RBM45: variants seen among roughly 807,000 people sequenced by gnomAD.
RBM45 encodes RNA binding motif protein 45, also known as RNA-binding protein 45.
RBM45 carries 39 observed loss-of-function variants against 58.5 expected under a neutral mutation model. The ratio of observed to expected loss-of-function variants is 0.67; its 90% CI spans 0.52 to 0.87. The LOEUF (loss-of-function observed/expected upper bound fraction) is 0.87, where lower values mean the gene tolerates loss of function less well. RBM45 is among the 40% of genes least tolerant of loss of function. The pLI is 0.00. For missense variants in RBM45, 481 were observed against 581.6 expected (o/e 0.83, Z 1.78); for synonymous variants, 193 against 203.0 (o/e 0.95, Z 0.42).
intron 3 of RBM45, among the ~76,000 whole-genome samples, chr2:178,135,300 CA>C (rs1174435247): frequency 1.3e-5 from 2 of 151,874 alleles, no homozygotes; most frequent in African/African-American, 4.8e-5. Flanking sequence ...CCAACAGTGG[CA>C]AAAAAAGAGT....
rs1193889767 is a variant in RBM45, at chr2:178,112,618, C to G, written c.72C>G (p.Pro24=). Reference sequence around the variant, plus strand: ...GCGTGGACAGCCTGGACGAACCGCCCAACAGCCGCATCTTCCTTGTGATCA... The same window carrying G: ...GCGTGGACAGCCTGGACGAACCGCCGAACAGCCGCATCTTCCTTGTGATCA... The part of the protein sequence containing the change: ...RPGVDSLDEP[P]NSRIFLVISK... Residue 24 remains proline, a synonymous_variant, in exon 1 of 10, where the codon CCC becomes CCG. Coordinates refer to ENST00000286070, the MANE Select transcript of RBM45 (RefSeq NM_152945.4). 6.2e-7 allele frequency: 1 copy of G among 1,614,108 alleles called. No homozygotes were observed. The highest frequency in any genetic ancestry group is 8.5e-7 in the Non-Finnish European group (1 of 1,180,038).
chr2:178,115,036 A>G (rs1255407811), intron 1 of RBM45, among the ~76,000 whole-genome samples: 1 of 152,230 alleles, frequency 6.6e-6, no homozygotes, highest in African/African-American at 2.4e-5. Flanking sequence ...TAAGACAACA[A>G]TATTATCTTA....
exon 4 of RBM45, chr2:178,138,552 T>G (rs1464804027): frequency 2.6e-5 from 4 of 152,164 alleles, no homozygotes; most frequent in Admixed American, 2.0e-4. Flanking sequence ...ATTCCTCTAC[T>G]CATCCAAATT....
chr2:178,135,621 G>C (rs2153907777), intron 3 of RBM45, among the ~76,000 whole-genome samples: 1 of 152,290 alleles, frequency 6.6e-6, no homozygotes, highest in Non-Finnish European at 1.5e-5. Context: ...GGAATATCCA[G>C]CTTCTACTTA....
In RBM45 at chr2:178,126,041, C is replaced by A; in HGVS notation, c.1290C>A (p.Ala430=). The A allele has an allele frequency of 1.9e-6, 3 of 1,613,744 alleles. No individual in the cohort carries two copies. The highest frequency in any genetic ancestry group is 1.7e-6 in the Non-Finnish European group (2 of 1,179,824). Residue 430 remains alanine, a synonymous_variant, in exon 9 of 10, where the codon GCC becomes GCA. Coordinates refer to ENST00000286070, the MANE Select transcript of RBM45 (RefSeq NM_152945.4). ...TGTCAGGAAAAAATGTGGGGTATGC[C>A]AAGTATGCCGATAGAATAAGTGCTA... is the stretch of plus-strand genomic sequence containing the variant. ...YLVSGKNVGY[A]KYADRISAND...
downstream of RBM45, among the ~76,000 whole-genome samples, chr2:178,134,630 T>C (rs943815624): frequency 3.3e-5 from 5 of 152,192 alleles, no homozygotes; most frequent in African/African-American, 1.2e-4. Flanking sequence ...TTTAAAGTTA[T>C]ATACTAATTT....
At chr2:178,130,132 C>T (rs1408642896), downstream of RBM45, among the ~76,000 whole-genome samples, 1 of 151,992 alleles carries the variant, frequency 6.6e-6, no homozygotes, top group East Asian at 1.9e-4. Context: ...ACATTTTTAT[C>T]TTTATAGAAA....
At chr2:178,121,732 C>T (rs62176035) in intron 5 of RBM45, among the ~76,000 whole-genome samples, 38,050 of 151,904 alleles carry the variant, frequency 0.25, 6,013 homozygotes, top group East Asian at 0.58. Flanking sequence ...GACAAAGTTA[C>T]GAAACTCACA....
At chr2:178,121,013 CTCT>C (rs1574410933) in intron 4 of RBM45, 164 bp from the exon 5 acceptor site, 2 of 414,878 alleles carry the variant, frequency 4.8e-6, no homozygotes, top group African/African-American at 4.1e-5. Context: ...GGAGAGTTGT[CTCT>C]TCTTGTCATT....
chr2:178,125,383 G>T (rs189704942), intron 8 of RBM45, among the ~76,000 whole-genome samples: 116 of 152,296 alleles, frequency 7.6e-4, no homozygotes, highest in African/African-American at 2.5e-3. Flanking sequence ...AAGATACAAA[G>T]GAGGAGCAGT....
In RBM45 at chr2:178,112,552, C is replaced by A. The variant is rs2087716101; in HGVS notation, c.6C>A (p.Asp2Glu). Residue 2 changes from aspartate (D) to glutamate (E), a missense_variant, in exon 1 of 10, where the codon GAC becomes GAA. Asp to Glu is a conservative substitution (Grantham distance 45). Coordinates refer to ENST00000286070, the MANE Select transcript of RBM45 (RefSeq NM_152945.4). MDEAGSSASGGG... is the reference protein window; with the variant it reads MEEAGSSASGGG... ...CTGCATTCGGGTGGAGCACCATGGA[C>A]GAAGCTGGCAGCTCTGCGAGCGGCG... The A allele has an allele frequency of 6.2e-7, 1 of 1,612,616 alleles. No homozygotes were observed. Among genetic ancestry groups the A allele is most frequent in the South Asian group, 1.1e-5 (1 of 90,974 alleles).
At position 178,120,275 on chromosome 2, in the gene RBM45, G is replaced by A. The variant is rs1273521628; in HGVS notation, c.551-12G>A. 33 of 1,611,502 alleles carry A rather than the reference G, an allele frequency of 2.0e-5. No homozygotes were observed. Among genetic ancestry groups the A allele is most frequent in the Non-Finnish European group, 2.8e-5 (33 of 1,179,130 alleles). ...TTTGCTGTGAAACTTGAAATTCATG[G>A]GGTTTTTTCAGGTTTTAGAGCAATC... is the stretch of plus-strand genomic sequence containing the variant. On this transcript the variant is annotated splice_polypyrimidine_tract_variant and intron_variant, in intron 3 of 9. Transcript: ENST00000286070.
chr2:178,119,864 T>C (rs1034521081), intron 3 of RBM45, among the ~76,000 whole-genome samples: 33 of 152,216 alleles, frequency 2.2e-4, no homozygotes, highest in Admixed American at 5.9e-4. Context: ...TTGAAGAGAA[T>C]CTAAATTAAA....
At chr2:178,134,795 C>T (rs2088031992) in intron 3 of RBM45, among the ~76,000 whole-genome samples, 1 of 152,056 alleles carries the variant, frequency 6.6e-6, no homozygotes. Flanking sequence ...AGTTTGAGAC[C>T]AGCCTGGCCA....
At chr2:178,120,444 G>A in intron 4 of RBM45, 35 bp downstream of exon 4, 1 of 1,576,690 alleles carries the variant, frequency 6.3e-7, no homozygotes, top group Non-Finnish European at 8.6e-7. Context: ...ATAGTATAAT[G>A]TAGTATATGC....
At chr2:178,131,263 A>G (rs540358240), downstream of RBM45, among the ~76,000 whole-genome samples, 3 of 152,246 alleles carry the variant, frequency 2.0e-5, no homozygotes, top group Non-Finnish European at 4.4e-5. Flanking sequence ...GGGCTCTGCC[A>G]TGTAACTAAT....
At position 178,126,154 on chromosome 2, in the gene RBM45, A is replaced by G. The variant is rs1233216451; in HGVS notation, c.1403A>G (p.Asn468Ser). 6.2e-7 allele frequency: 1 copy of G among 1,613,960 alleles called. No individual in the cohort carries two copies. Among genetic ancestry groups the G allele is most frequent in the South Asian group, 1.1e-5 (1 of 91,052 alleles). The change falls in exon 9 of 10, where the codon AAC becomes AGC. Residue 468 changes from asparagine (N) to serine (S), a missense_variant. By Grantham distance (46) the Asn-to-Ser change is conservative. Coordinates refer to ENST00000286070, the MANE Select transcript of RBM45 (RefSeq NM_152945.4). Reference protein sequence around the residue: ...MLADSPREESNKRQRTY With the variant: ...MLADSPREESSKRQRTY ...GCAGATTCGCCAAGAGAAGAATCTA[A>G]CAAACGGCAAAGAACTTACTGATTC...
intron 2 of RBM45, among the ~76,000 whole-genome samples, chr2:178,116,985 A>G (rs2087785241): frequency 6.6e-6 from 1 of 152,190 alleles, no homozygotes; most frequent in Non-Finnish European, 1.5e-5. Context: ...TCTGACCTAT[A>G]TAAGTGAAAT....
At position 178,120,397 on chromosome 2, in the gene RBM45, A is replaced by G. The variant is rs2087833772; in HGVS notation, c.661A>G (p.Met221Val). 1 of 1,610,336 alleles carries G rather than the reference A, an allele frequency of 6.2e-7. No homozygotes were observed. Among genetic ancestry groups the G allele is most frequent in the South Asian group, 1.1e-5 (1 of 90,008 alleles). Residue 221 changes from methionine to valine, a missense_variant, in exon 4 of 10, where the codon ATG (methionine) becomes GTG (valine). By Grantham distance (21) the Met-to-Val change is conservative (BLOSUM62 1). Coordinates refer to ENST00000286070, the MANE Select transcript of RBM45 (RefSeq NM_152945.4). Reference sequence around the variant, plus strand: ...TTTGGGACATGAACCTAGAGTAAATATGTTTCCATTTGGTAAGTAGGCAAC... The same window carrying G: ...TTTGGGACATGAACCTAGAGTAAATGTGTTTCCATTTGGTAAGTAGGCAAC... ...EALGHEPRVN[M>V]FPFEQQSEFS...
Sources: allele counts gnomAD v4.1 joint callset (sites outside exome capture counted in the v4.1 genomes callset), GRCh38; gene constraint gnomAD v4.1.1; transcripts MANE v1.5; gene names NCBI Gene and HGNC (gene_info 2026-07-23, HGNC 2026-07-21).